The following DHX37 variants were observed in gnomAD, a reference collection of about 807,000 sequenced individuals.
DHX37 encodes probable ATP-dependent RNA helicase DHX37.
In DHX37, 52 loss-of-function variants were observed where a neutral mutation model predicts 134.3. The ratio of observed to expected loss-of-function variants is 0.39; its 90% CI spans 0.31 to 0.49. The LOEUF (loss-of-function observed/expected upper bound fraction) is 0.49. Ranked by LOEUF, DHX37 falls within the 20% of genes least tolerant of loss-of-function variation. DHX37 has a pLI of 0.93. For synonymous variants in DHX37, 634 were observed against 670.7 expected, an observed-to-expected ratio of 0.95 and a Z score of 0.85; for missense variants, 1,344 against 1,580.8, an observed-to-expected ratio of 0.85 and a Z score of 2.54.
chr12:124,961,220 A>ACACGCACGCACACACACATACACGCGTG, intron 15 of DHX37, among the ~76,000 whole-genome samples: 1 of 104,906 alleles, frequency 9.5e-6, no homozygotes, highest in Admixed American at 8.7e-5. Context: ...GCACGCACGC[A>ACACGCACGCACACACACATACACGCGTG]CACGCACGCA....
At chr12:124,985,335 C>T (rs12299694) in intron 2 of DHX37, among the ~76,000 whole-genome samples, 45,849 of 151,840 alleles carry the variant, frequency 0.3, 7,128 homozygotes, top group Non-Finnish European at 0.32. Context: ...TTGGAGCTGG[C>T]GATGGGCACA....
chr12:124,989,037 G>T lies in DHX37; in HGVS notation c.-15C>A. 1 of 1,348,806 alleles carries T rather than the reference G, an allele frequency of 7.4e-7. No homozygotes were observed. The highest frequency in any genetic ancestry group is 2.9e-5 in the East Asian group (1 of 34,832). 83.6% of individuals were successfully genotyped at this position (1,348,806 alleles called of 1,614,324 possible). On this transcript the variant is annotated 5_prime_UTR_variant, in exon 1 of 27. Coordinates refer to ENST00000308736, the MANE Select transcript of DHX37 (RefSeq NM_032656.4). ...AGCTTCCCCATGGCGACTAGGCCAG[G>T]GTGGGCGCTCCAGCGGCCGGACCAG...
chr12:124,980,888 G>A lies in DHX37; in HGVS notation c.390-50C>T. 1.0e-5 allele frequency: 16 copies of A among 1,531,030 alleles called. No homozygotes were observed. The highest frequency in any genetic ancestry group is 1.4e-5 in the Non-Finnish European group (16 of 1,144,462). 94.8% of individuals were successfully genotyped at this position (1,531,030 alleles called of 1,614,324 possible). A position where few individuals can be genotyped will look rare whatever the true frequency, so the allele number is the denominator to read the frequency against. The stretch of plus-strand genomic sequence containing the variant: ...GCACAGAGGCCCCACCTCAATCCCA[G>A]AGGTCAGGACTCCAAGGCCATACCC... On this transcript the variant is annotated intron_variant, in intron 3 of 26. Coordinates refer to ENST00000308736, the MANE Select transcript of DHX37 (RefSeq NM_032656.4). This position sits in a 1 kb window ranked among gnomAD's most constrained non-coding sequence, Gnocchi z 5.3.
intron 2 of DHX37, among the ~76,000 whole-genome samples, chr12:124,983,344 G>A (rs893615545): frequency 6.6e-6 from 1 of 151,386 alleles, no homozygotes; most frequent in African/African-American, 2.4e-5. Flanking sequence ...TGATCTGCCC[G>A]CCTCGGCCTC....
In DHX37 at chr12:124,949,834, G is replaced by T; in HGVS notation, c.3290+152C>A. 1 of 865,638 alleles carries T rather than the reference G, an allele frequency of 1.2e-6. No individual in the cohort carries two copies. Among genetic ancestry groups the T allele is most frequent in the Non-Finnish European group, 1.8e-6 (1 of 567,732 alleles). The allele number at this position is 865,638 out of a possible 1,614,324, so 53.6% of individuals were successfully genotyped here. On this transcript the variant is annotated intron_variant, in intron 25 of 26. Transcript: ENST00000308736. The surrounding 1 kb of genome is among the most constrained non-coding windows in gnomAD (Gnocchi z 4.0). ...GACCCTCCCCGAGAGCCGCTGCACA[G>T]ACCGTGGCTCTGCAGAGCCTTCAGA...
chr12:124,982,144 A>C (rs1012378240), intron 3 of DHX37, among the ~76,000 whole-genome samples: 24 of 151,398 alleles, frequency 1.6e-4, no homozygotes, highest in African/African-American at 4.9e-4. Context: ...ACAAAAAAAA[A>C]CACGACACAA....
Position 124,949,886 on chromosome 12 carries a change from A to T in DHX37, c.3290+100T>A. ...CTGAGCACAGACTTCTGATGTTTTA[A>T]GCCTCCCTGTGTGTGGTGCTTTGTC... On this transcript the variant is annotated intron_variant, in intron 25 of 26. Transcript: ENST00000308736. This position sits in a 1 kb window ranked among gnomAD's most constrained non-coding sequence, Gnocchi z 4.0. The T allele has an allele frequency of 7.7e-7, 1 of 1,292,998 alleles. No individual in the cohort carries two copies. Among genetic ancestry groups the T allele is most frequent in the Non-Finnish European group, 1.1e-6 (1 of 930,674 alleles). The allele number at this position is 1,292,998 out of a possible 1,614,324, so 80.1% of individuals were successfully genotyped here.
intron 4 of DHX37, among the ~76,000 whole-genome samples, chr12:124,979,792 G>A (rs1300160383): frequency 6.6e-6 from 1 of 152,252 alleles, no homozygotes; most frequent in African/African-American, 2.4e-5. Flanking sequence ...ATGGCACTGG[G>A]TGATGACATC....
chr12:124,970,553 G>A (rs547624219), intron 8 of DHX37, among the ~76,000 whole-genome samples: 1 of 152,254 alleles, frequency 6.6e-6, no homozygotes, highest in East Asian at 1.9e-4. Context: ...CTTGAGCTCA[G>A]AGGTCACTTT....
chr12:124,949,278 C>T lies in DHX37; in HGVS notation c.3290+708G>A, dbSNP rs1415945247. 6.6e-6 allele frequency among the ~76,000 whole-genome samples: 1 copy of T among 152,236 alleles called. No individual in the cohort carries two copies. The highest frequency in any genetic ancestry group is 1.9e-4 in the East Asian group (1 of 5,196). On this transcript the variant is annotated intron_variant, in intron 25 of 26. Coordinates refer to ENST00000308736, the MANE Select transcript of DHX37 (RefSeq NM_032656.4). The surrounding 1 kb of genome is among the most constrained non-coding windows in gnomAD (Gnocchi z 4.0). Reference sequence around the variant, plus strand: ...CTGTGCCCCACGCCCCATCTCGAGTCCCTGGCACCTGCCTGCACCTTCAGG... The same window carrying T: ...CTGTGCCCCACGCCCCATCTCGAGTTCCTGGCACCTGCCTGCACCTTCAGG...
chr12:124,986,272 G>A lies in DHX37; in HGVS notation c.107-7C>T. The A allele has an allele frequency of 6.2e-7, 1 of 1,612,802 alleles. No individual in the cohort carries two copies. The highest frequency in any genetic ancestry group is 1.1e-5 in the South Asian group (1 of 90,950). ...CCCTTCAACGTGTCCTTGTCTGAGA[G>A]AGCACAGTTATTAAGTCCCCATTCT... is the stretch of plus-strand genomic sequence containing the variant. On this transcript the variant is annotated splice_region_variant and splice_polypyrimidine_tract_variant and intron_variant, in intron 1 of 26. Coordinates refer to ENST00000308736, the MANE Select transcript of DHX37 (RefSeq NM_032656.4).
At chr12:124,971,568 G>A (rs922798445) in intron 7 of DHX37, 153 bp from the exon 8 acceptor site, 32 of 811,422 alleles carry the variant, frequency 3.9e-5, no homozygotes, top group Non-Finnish European at 4.5e-5. Flanking sequence ...CCCGCAGAGT[G>A]GGAGGGCAGG....
intron 3 of DHX37, among the ~76,000 whole-genome samples, chr12:124,981,950 C>A (rs1180350630): frequency 1.3e-5 from 2 of 151,654 alleles, no homozygotes; most frequent in Admixed American, 6.6e-5. Context: ...ATGGAGAAAC[C>A]CCGTCTCTAC....
At chr12:124,983,033 C>T (rs2135970417) in intron 2 of DHX37, among the ~76,000 whole-genome samples, 1 of 152,170 alleles carries the variant, frequency 6.6e-6, no homozygotes, top group South Asian at 2.1e-4. Flanking sequence ...AGGGGGTGTA[C>T]CCAGTTGGCT....
rs766940424 is a variant in DHX37 at position 124,965,773 on chromosome 12, G to A, written c.1630C>T (p.Pro544Ser). The A allele has an allele frequency of 5.0e-6, 8 of 1,613,730 alleles. No homozygotes were observed. In the African/African-American group the frequency reaches 6.7e-5, roughly 13 times the overall value. Residue 544 changes from proline to serine, a missense_variant, in exon 13 of 27, where the codon CCG becomes TCG. Pro to Ser is a moderately conservative substitution (Grantham distance 74). Transcript: ENST00000308736. ...CTGTCCTCATCGCCTTCGCCTGCCG[G>A]TAACACCGAGTAATGATCCAAGTTG... ...QINLDHYSVLPAGEGDEDREA... is the reference protein window; with the variant it reads ...QINLDHYSVLSAGEGDEDREA...
intron 15 of DHX37, among the ~76,000 whole-genome samples, chr12:124,962,402 T>A (rs780770075): frequency 2.0e-5 from 3 of 152,122 alleles, no homozygotes; most frequent in Admixed American, 6.6e-5. Flanking sequence ...ATGCCTGCAA[T>A]CCCAGCACTT....
intron 15 of DHX37, among the ~76,000 whole-genome samples, chr12:124,963,878 CAAAAAAA>C (rs71092251): frequency 3.3e-5 from 3 of 91,664 alleles, no homozygotes; most frequent in Non-Finnish European, 7.4e-5. Context: ...AGACTCGTCT[CAAAAAAA>C]AAAAAAAAAA....
At chr12:124,967,640 A>G (rs1954417869) in intron 10 of DHX37, among the ~76,000 whole-genome samples, 1 of 152,194 alleles carries the variant, frequency 6.6e-6, no homozygotes, top group Non-Finnish European at 1.5e-5. Flanking sequence ...TAAGCAGAGC[A>G]AGGACAGAGC....
intron 15 of DHX37, among the ~76,000 whole-genome samples, chr12:124,961,705 G>A (rs1338744682): frequency 6.6e-6 from 1 of 152,188 alleles, no homozygotes; most frequent in South Asian, 2.1e-4. Flanking sequence ...GGGATTACAG[G>A]CGTGAGCCAT....
Sources: gnomAD v4.1 joint callset for allele counts (sites outside exome capture counted in the v4.1 genomes callset) on GRCh38, gnomAD v4.1.1 for gene constraint, Gnocchi (gnomAD v3.1) non-coding constraint, MANE v1.5 for transcripts, NCBI Gene and HGNC (gene_info 2026-07-23, HGNC 2026-07-21) for gene names.